Variants in MTA3 observed in about 807,000 individuals in gnomAD.
MTA3 encodes the protein metastasis associated 1 family member 3, also known as metastasis-associated protein MTA3.
A neutral mutation model predicts 83.5 loss-of-function variants in MTA3; 34 were observed. The ratio of observed to expected loss-of-function variants is 0.41; its 90% confidence interval spans 0.31 to 0.54. The LOEUF (loss-of-function observed/expected upper bound fraction) is 0.54. Ranked by LOEUF, MTA3 falls within the 20% of genes least tolerant of loss-of-function variation. MTA3 has a pLI of 0.33. For synonymous variants in MTA3, 303 were observed against 252.7 expected (o/e 1.20, Z -1.89); for missense variants, 761 against 726.4 (o/e 1.05, Z -0.55).
chr2:42,628,488 C>A (rs1686345867), intron 4 of MTA3, among the ~76,000 whole-genome samples: 8 of 152,176 alleles, frequency 5.3e-5, no homozygotes. Context: ...CCTGCCTCAG[C>A]CTCCCAAAGT....
At chr2:42,532,214 A>G (rs1240881603) in intron 2 of MTA3, among the ~76,000 whole-genome samples, 1 of 152,264 alleles carries the variant, frequency 6.6e-6, no homozygotes, top group African/African-American at 2.4e-5. Context: ...TATTTCGTAC[A>G]TAATATCTGG....
intron 2 of MTA3, among the ~76,000 whole-genome samples, chr2:42,544,761 A>C (rs1251349586): frequency 1.3e-5 from 2 of 152,176 alleles, no homozygotes; most frequent in Non-Finnish European, 1.5e-5. Context: ...TTCTGACATC[A>C]GAAATTCTAT....
At chr2:42,610,513 C>T (rs111322699) in intron 4 of MTA3, among the ~76,000 whole-genome samples, 1 of 152,064 alleles carries the variant, frequency 6.6e-6, no homozygotes, top group Non-Finnish European at 1.5e-5. Context: ...GCAGAAAAAA[C>T]AAAAAGTGAA....
chr2:42,532,920 G>A (rs913173392), intron 2 of MTA3: 6 of 262,770 alleles, frequency 2.3e-5, no homozygotes, highest in African/African-American at 6.9e-5. Context: ...TCCTTCACGC[G>A]CTTCAGGAAG....
chr2:42,566,774 A>C (rs1204731595), upstream of MTA3, among the ~76,000 whole-genome samples: 1 of 152,226 alleles, frequency 6.6e-6, no homozygotes, highest in Non-Finnish European at 1.5e-5. Context: ...ATGGGAAAAC[A>C]TCCTAAAGCT....
intron 3 of MTA3, among the ~76,000 whole-genome samples, chr2:42,584,319 A>G (rs1254990450): frequency 6.6e-6 from 1 of 152,180 alleles, no homozygotes; most frequent in Non-Finnish European, 1.5e-5. Context: ...AGCACGTCAA[A>G]GAAGCCTTAC....
rs1460956709 is a variant in MTA3, at chr2:42,606,298, C to G, written c.191-3160C>G. 1.3e-5 allele frequency among the ~76,000 whole-genome samples: 2 copies of G among 149,844 alleles called. 1 individual carries two copies. The highest frequency in any genetic ancestry group is 4.3e-4 in the South Asian group (2 of 4,702). Reference sequence around the variant, plus strand: ...GCCGGGCGGAGACGCTCCTCACTTCCCAGATCGGGTGGCTGCCGGGCGGAG... The same window carrying G: ...GCCGGGCGGAGACGCTCCTCACTTCGCAGATCGGGTGGCTGCCGGGCGGAG... On this transcript the variant is annotated intron_variant, in intron 3 of 16. Transcript: ENST00000405094.
intron 5 of MTA3, among the ~76,000 whole-genome samples, chr2:42,642,841 C>T (rs1002346112): frequency 1.3e-5 from 2 of 152,026 alleles, no homozygotes; most frequent in African/African-American, 2.4e-5. Flanking sequence ...GACGGGATTT[C>T]ACCATGTTGG....
chr2:42,574,791 C>T (rs1023714866), intron 2 of MTA3, among the ~76,000 whole-genome samples: 1 of 152,110 alleles, frequency 6.6e-6, no homozygotes, highest in African/African-American at 2.4e-5. Context: ...AACTCCTGGC[C>T]TCAAGCAGTC....
chr2:42,532,121 A>G (rs926883914), intron 2 of MTA3, among the ~76,000 whole-genome samples: 6 of 152,244 alleles, frequency 3.9e-5, no homozygotes, highest in African/African-American at 1.4e-4. Flanking sequence ...CCATAATCCA[A>G]TAGATAACGT....
intron 2 of MTA3, among the ~76,000 whole-genome samples, chr2:42,523,728 T>A (rs1675536986): frequency 6.6e-6 from 1 of 151,960 alleles, no homozygotes; most frequent in African/African-American, 2.4e-5. Context: ...GTTTGGGCAA[T>A]GTGGCGAAAC....
At chr2:42,667,289 A>T (rs1690310195) in intron 8 of MTA3, among the ~76,000 whole-genome samples, 1 of 152,120 alleles carries the variant, frequency 6.6e-6, no homozygotes, top group Admixed American at 6.6e-5. Context: ...AAATGTATTA[A>T]GTAGATTCAC....
At chr2:42,740,913 G>A (rs1668982759) in intron 16 of MTA3, among the ~76,000 whole-genome samples, 1 of 152,228 alleles carries the variant, frequency 6.6e-6, no homozygotes, top group African/African-American at 2.4e-5. Flanking sequence ...GAGTCAGCCT[G>A]TCCTTTGAAG....
In MTA3 at chr2:42,568,657, G is replaced by GGCGGCA. The variant is rs1303156081; in HGVS notation, c.-83_-78dup. On this transcript the variant is annotated 5_prime_UTR_variant, in exon 1 of 17. Coordinates refer to ENST00000405094, the MANE Select transcript of MTA3 (RefSeq NM_001330442.2). Reference sequence around the variant, plus strand: ...GTGGCGAGGCAGCAGCGACGGCGGCGGCGGCAGCGGCGGTCGCGGCTGAGG... The same window carrying GGCGGCA: ...GTGGCGAGGCAGCAGCGACGGCGGCGGCGGCAGCGGCAGCGGCGGTCGCGGCTGAGG... The GGCGGCA allele has an allele frequency of 4.0e-6, 4 of 994,294 alleles. No homozygotes were observed. Among genetic ancestry groups the GGCGGCA allele is most frequent in the South Asian group, 4.9e-5 (1 of 20,490 alleles). The allele number at this position is 994,294 out of a possible 1,614,324, so 61.6% of individuals were successfully genotyped here. A position where few individuals can be genotyped will look rare whatever the true frequency, so the allele number is the denominator to read the frequency against.
intron 16 of MTA3, among the ~76,000 whole-genome samples, chr2:42,726,576 A>T (rs1052600624): frequency 2.6e-5 from 4 of 151,998 alleles, no homozygotes; most frequent in Non-Finnish European, 5.9e-5. Context: ...TCATTGTTCA[A>T]TTCCCACCTA....
At chr2:42,712,937 C>T (rs1171202706) in intron 14 of MTA3, 1 of 152,090 alleles carries the variant, frequency 6.6e-6, no homozygotes, top group Non-Finnish European at 1.5e-5. Context: ...AATGACGTTC[C>T]TCTGTTATTG....
intron 2 of MTA3, among the ~76,000 whole-genome samples, chr2:42,513,731 T>A (rs1403349729): frequency 1.3e-5 from 2 of 152,172 alleles, no homozygotes; most frequent in Non-Finnish European, 2.9e-5. Context: ...CTGGACTCAG[T>A]GAGCCGGGAA....
At chr2:42,506,584 A>G (rs1287062321) in intron 2 of MTA3, among the ~76,000 whole-genome samples, 1 of 151,950 alleles carries the variant, frequency 6.6e-6, no homozygotes, top group Non-Finnish European at 1.5e-5. Context: ...AGAGAGGTGT[A>G]GGCGGGGGGT....
At chr2:42,497,745 AG>A (rs998030520) in intron 2 of MTA3, among the ~76,000 whole-genome samples, 4 of 152,278 alleles carry the variant, frequency 2.6e-5, no homozygotes, top group African/African-American at 9.6e-5. Flanking sequence ...CTACATCCAA[AG>A]GGGTAATGAA....
Sources: gnomAD v4.1 joint callset for allele counts (sites outside exome capture counted in the v4.1 genomes callset) on GRCh38, gnomAD v4.1.1 for gene constraint, MANE v1.5 for transcripts, NCBI Gene and HGNC (gene_info 2026-07-23, HGNC 2026-07-21) for gene names.